The following PSMB6 variants were observed in gnomAD, a reference collection of about 807,000 sequenced individuals.
PSMB6 encodes proteasome 20S subunit beta 6.
In PSMB6, 11 loss-of-function variants were observed where a neutral mutation model predicts 28.2. The ratio of observed to expected loss-of-function variants is 0.39; its 90% CI spans 0.25 to 0.65. PSMB6 has a LOEUF of 0.65. PSMB6 is among the 30% of genes least tolerant of loss of function. The pLI, the probability that PSMB6 is intolerant of heterozygous loss-of-function variation, is 0.48. For missense variants in PSMB6, 268 were observed against 319.4 expected (o/e 0.84, Z 1.23); for synonymous variants, 126 against 117.7 (o/e 1.07, Z -0.45).
rs750337493 is a variant in PSMB6, at chr17:4,798,284, C to T, written c.582C>T (p.Leu194=). The change falls in exon 6 of 6, where the codon CTC becomes CTT. Residue 194 remains leucine, a synonymous_variant. Coordinates refer to ENST00000270586, the MANE Select transcript of PSMB6 (RefSeq NM_002798.3). The part of the protein sequence containing the change: ...EECLQFTANA[L]ALAMERDGSS... Reference sequence around the variant, plus strand: ...GCTTTCTTCTTTTATCCACAGCTCTCGCTTTGGCCATGGAGCGGGATGGCT... The same window carrying T: ...GCTTTCTTCTTTTATCCACAGCTCTTGCTTTGGCCATGGAGCGGGATGGCT... The T allele has an allele frequency of 2.5e-6, 4 of 1,613,968 alleles. No individual in the cohort carries two copies. The highest frequency in any genetic ancestry group is 2.7e-5 in the African/African-American group (2 of 74,926).
Position 4,796,739 on chromosome 17 carries a change from G to A in PSMB6, c.114G>A (p.Met38Ile). 6.2e-7 allele frequency: 1 copy of A among 1,606,378 alleles called. No individual in the cohort carries two copies. The highest frequency in any genetic ancestry group is 8.5e-7 in the Non-Finnish European group (1 of 1,173,008). ...TTCCCTTTTCCCAGACCACTATCATGGCCGTGCAGTTTGACGGGGGCGTGG... is the reference window on the plus strand; with the variant it reads ...TTCCCTTTTCCCAGACCACTATCATAGCCGTGCAGTTTGACGGGGGCGTGG... ...SREVSTGTTI[M>I]AVQFDGGVVL... is the part of the protein sequence containing the mutation. The change falls in exon 2 of 6, where the codon ATG (methionine) becomes ATA (isoleucine). Residue 38 changes from methionine to isoleucine, a missense_variant. Transcript: ENST00000270586.
At position 4,797,942 on chromosome 17, in the gene PSMB6, G is replaced by T. The variant is rs1048387849; in HGVS notation, c.433-67G>T. On this transcript the variant is annotated intron_variant, in intron 4 of 5. Transcript: ENST00000270586. ...ACGTGCCTCAGACCAATAGCAGAATGGACAGGTGAATGTACGTGTGTTGGA... is the reference window on the plus strand; with the variant it reads ...ACGTGCCTCAGACCAATAGCAGAATTGACAGGTGAATGTACGTGTGTTGGA... 21 of 1,606,324 alleles carry T rather than the reference G, an allele frequency of 1.3e-5. No individual in the cohort carries two copies. The Admixed American group carries it at 3.2e-4, about 24-fold the overall frequency.
rs111468504 is a variant in PSMB6 at position 4,797,958 on chromosome 17, G to T, written c.433-51G>T. 1.2e-4 allele frequency: 191 copies of T among 1,610,544 alleles called. 1 individual carries two copies. The African/African-American group carries it at 2.3e-3, about 20-fold the overall frequency. The stretch of plus-strand genomic sequence containing the variant: ...TAGCAGAATGGACAGGTGAATGTAC[G>T]TGTGTTGGAGGGAGGATACGACTGG... On this transcript the variant is annotated intron_variant, in intron 4 of 5. Coordinates refer to ENST00000270586, the MANE Select transcript of PSMB6 (RefSeq NM_002798.3).
intron 3 of PSMB6, 39 bp downstream of exon 3, chr17:4,797,608 G>C (rs779882603): frequency 6.9e-6 from 11 of 1,598,318 alleles, no homozygotes; most frequent in South Asian, 3.3e-5. Flanking sequence ...TCTGAAGGGA[G>C]TTGGAAGCTG....
intron 5 of PSMB6, 46 bp downstream of exon 5, chr17:4,798,199 C>G: frequency 6.2e-7 from 1 of 1,613,158 alleles, no homozygotes; most frequent in African/African-American, 1.3e-5. Context: ...CCCCAACTAC[C>G]CAAGCCAGGC....
rs574553605 is a variant in PSMB6 at position 4,797,977 on chromosome 17, C to A, written c.433-32C>A. On this transcript the variant is annotated intron_variant, in intron 4 of 5. Transcript: ENST00000270586. ...ATGTACGTGTGTTGGAGGGAGGATACGACTGGTGACTCCTCTCCTTCTATC... is the reference window on the plus strand; with the variant it reads ...ATGTACGTGTGTTGGAGGGAGGATAAGACTGGTGACTCCTCTCCTTCTATC... 3.7e-6 allele frequency: 6 copies of A among 1,613,100 alleles called. No homozygotes were observed. The African/African-American group carries it at 8.0e-5, about 21-fold the overall frequency.
chr17:4,798,234 A>G, intron 5 of PSMB6, 46 bp from the exon 6 acceptor site: 3 of 1,612,636 alleles, frequency 1.9e-6, no homozygotes, highest in Non-Finnish European at 2.5e-6. Context: ...CCTTGCAGTG[A>G]TCCCGGCATC....
Position 4,796,755 on chromosome 17 carries a change from G to T in PSMB6, c.130G>T (p.Gly44Trp), listed in dbSNP as rs143768117. The change falls in exon 2 of 6, where the codon GGG becomes TGG. Residue 44 changes from glycine (G) to tryptophan (W), a missense_variant. Gly to Trp is a radical substitution (Grantham distance 184, BLOSUM62 -2). Coordinates refer to ENST00000270586, the MANE Select transcript of PSMB6 (RefSeq NM_002798.3). Reference protein sequence around the residue: ...GTTIMAVQFDGGVVLGADSRT... With the variant: ...GTTIMAVQFDWGVVLGADSRT... ...CACTATCATGGCCGTGCAGTTTGAC[G>T]GGGGCGTGGTTCTGGGGGCGGACTC... 1.3e-4 allele frequency: 208 copies of T among 1,609,780 alleles called. No homozygotes were observed. The highest frequency in any genetic ancestry group is 1.6e-4 in the Non-Finnish European group (192 of 1,176,212).
chr17:4,797,928 AC>A (rs1905390211), intron 4 of PSMB6, 80 bp from the exon 5 acceptor site: 12 of 1,604,416 alleles, frequency 7.5e-6, no homozygotes, highest in Non-Finnish European at 1.0e-5. Flanking sequence ...CGTGCCTCAG[AC>A]CAATAGCAGA....
At chr17:4,797,368 G>C in intron 2 of PSMB6, 70 bp from the exon 3 acceptor site, 2 of 1,502,858 alleles carry the variant, frequency 1.3e-6, no homozygotes, top group Middle Eastern at 1.8e-4. Flanking sequence ...AGCCCTAAGA[G>C]AGTGGGTAGT....
At position 4,797,033 on chromosome 17, in the gene PSMB6, G is replaced by A. The variant is rs1001687886; in HGVS notation, c.170+238G>A. 5.6e-6 allele frequency: 3 copies of A among 532,178 alleles called. No individual in the cohort carries two copies. In the Admixed American group the frequency reaches 1.1e-4, roughly 19 times the overall value. 33.0% of individuals were successfully genotyped at this position (532,178 alleles called of 1,614,324 possible). ...TGGATGAGAATAAGCAATACTGGAG[G>A]CCAGGCACGGTGGCTCACGCCTGTA... is the stretch of plus-strand genomic sequence containing the variant. On this transcript the variant is annotated intron_variant, in intron 2 of 5. Coordinates refer to ENST00000270586, the MANE Select transcript of PSMB6 (RefSeq NM_002798.3).
chr17:4,798,484 T>G lies in PSMB6; in HGVS notation c.*62T>G. The stretch of plus-strand genomic sequence containing the variant: ...TACTGATGCAAAATTTAATAAAGTT[T>G]GTCACAGAGAATCTTTGTACTTTGG... On this transcript the variant is annotated 3_prime_UTR_variant, in exon 6 of 6. Coordinates refer to ENST00000270586, the MANE Select transcript of PSMB6 (RefSeq NM_002798.3). The G allele has an allele frequency of 6.5e-7, 1 of 1,539,196 alleles. No individual in the cohort carries two copies. The highest frequency in any genetic ancestry group is 8.8e-7 in the Non-Finnish European group (1 of 1,140,964).
rs61074509 is a variant in PSMB6, at chr17:4,796,894, A to G, written c.170+99A>G. ...TGCCTCCACAGACCACTGTGGGAAG[A>G]GAGGTTTCTTCTCTCTCTGGAGATA... is the stretch of plus-strand genomic sequence containing the variant. On this transcript the variant is annotated intron_variant, in intron 2 of 5. Coordinates refer to ENST00000270586, the MANE Select transcript of PSMB6 (RefSeq NM_002798.3). 2,226 of 1,026,580 alleles carry G rather than the reference A, an allele frequency of 2.2e-3. 34 individuals are homozygous for G. The African/African-American group carries it at 0.03, about 14-fold the overall frequency. The allele number at this position is 1,026,580 out of a possible 1,614,324, so 63.6% of individuals were successfully genotyped here.
Position 4,797,256 on chromosome 17 carries a change from A to G in PSMB6, c.171-182A>G, listed in dbSNP as rs140253734. 1.4e-3 allele frequency: 993 copies of G among 688,404 alleles called. 10 individuals are homozygous for G. In the African/African-American group the frequency reaches 0.016, roughly 11 times the overall value. The allele number at this position is 688,404 out of a possible 1,614,324, so 42.6% of individuals were successfully genotyped here. A position where few individuals can be genotyped will look rare whatever the true frequency, so the allele number is the denominator to read the frequency against. ...CTTGGACCCAGGAGGTGGATGTTGC[A>G]GTGAGCAGAGATCGCGTCACTGTAC... On this transcript the variant is annotated intron_variant, in intron 2 of 5. Transcript: ENST00000270586.
At chr17:4,797,958 G>A (rs111468504) in intron 4 of PSMB6, 51 bp from the exon 5 acceptor site, 124 of 1,610,426 alleles carry the variant, frequency 7.7e-5, no homozygotes, top group Non-Finnish European at 9.3e-5. Flanking sequence ...GTGAATGTAC[G>A]TGTGTTGGAG....
At chr17:4,796,631 G>T in intron 1 of PSMB6, 97 bp from the exon 2 acceptor site, 2 of 1,180,968 alleles carry the variant, frequency 1.7e-6, no homozygotes, top group Non-Finnish European at 2.5e-6. Context: ...ATGGTTCAGC[G>T]ACGGACAGAT....
rs140751461 is a variant in PSMB6, at chr17:4,796,226, C to T, written c.32C>T (p.Ala11Val). The T allele has an allele frequency of 6.3e-7, 1 of 1,593,626 alleles. No homozygotes were observed. The change falls in exon 1 of 6, where the codon GCC becomes GTC. Residue 11 changes from alanine to valine, a missense_variant. Transcript: ENST00000270586. ...GCTACCTTACTAGCTGCTCGGGGAG[C>T]CGGGCCAGCACCGGCTTGGGGGCCG... is the stretch of plus-strand genomic sequence containing the variant. The part of the protein sequence containing the change: MAATLLAARG[A>V]GPAPAWGPEA...
Position 4,798,328 on chromosome 17 carries a change from G to A in PSMB6, c.626G>A (p.Arg209His), listed in dbSNP as rs1236134203. 9 of 1,614,074 alleles carry A rather than the reference G, an allele frequency of 5.6e-6. No homozygotes were observed. The highest frequency in any genetic ancestry group is 6.8e-6 in the Non-Finnish European group (8 of 1,180,040). ...GATGGCTCCAGTGGAGGAGTGATCC[G>A]CCTGGCAGCCATTGCAGAGTCAGGG... The part of the protein sequence containing the change: ...ERDGSSGGVI[R>H]LAAIAESGVE... The change falls in exon 6 of 6, where the codon CGC (arginine) becomes CAC (histidine). Residue 209 changes from arginine (R) to histidine (H), a missense_variant. Physicochemically the swap from Arg to His is conservative, Grantham distance 29. Transcript: ENST00000270586.
chr17:4,798,421 G>A lies in PSMB6; in HGVS notation c.719G>A (p.Ter240=). The A allele has an allele frequency of 6.2e-7, 1 of 1,613,978 alleles. No homozygotes were observed. The highest frequency in any genetic ancestry group is 1.3e-5 in the African/African-American group (1 of 75,044). The part of the protein sequence containing the change: ...KFAVATLPPA[*] ...GCCGTTGCCACTTTACCACCCGCCT[G>A]AATCCTGGGATTCTAGTATGCAATA... Residue 240 remains the stop codon, a stop_retained_variant, in exon 6 of 6, where the codon TGA becomes TAA. Coordinates refer to ENST00000270586, the MANE Select transcript of PSMB6 (RefSeq NM_002798.3).
Sources: allele counts gnomAD v4.1 joint callset, GRCh38; gene constraint gnomAD v4.1.1; transcripts MANE v1.5; gene names NCBI Gene and HGNC (gene_info 2026-07-23, HGNC 2026-07-21).